Variants in GRIK2 observed in about 807,000 individuals in gnomAD.
GRIK2 encodes glutamate ionotropic receptor kainate type subunit 2, also known as glutamate receptor ionotropic, kainate 2.
In GRIK2, 32 loss-of-function variants were observed where a neutral mutation model predicts 100.3. The observed-to-expected ratio is 0.32, with a 90% CI of 0.24 to 0.43. The LOEUF is 0.43. GRIK2 is among the 20% of genes least tolerant of loss of function. The pLI is 1.00. For synonymous variants in GRIK2, 417 were observed against 389.4 expected (o/e 1.07, Z -0.83); for missense variants, 843 against 1,114.9 (o/e 0.76, Z 3.47).
In GRIK2 at chr6:101,556,321, A is replaced by ATTTTTTTTTTTTTTTTTTTTTTTTTTT. The variant is rs10528480; in HGVS notation, c.116-65623_116-65597dup. Among the ~76,000 whole-genome samples, 73 of 59,406 alleles carry ATTTTTTTTTTTTTTTTTTTTTTTTTTT rather than the reference A, an allele frequency of 1.2e-3. 19 individuals carry two copies. Among genetic ancestry groups the ATTTTTTTTTTTTTTTTTTTTTTTTTTT allele is most frequent in the Non-Finnish European group, 1.6e-3 (43 of 27,410 alleles). The allele number at this position is 59,406 out of a possible 152,430, so 39.0% of individuals were successfully genotyped here. ...AATTGCACTATGTAATATATTGGTA[A>ATTTTTTTTTTTTTTTTTTTTTTTTTTT]TTTTTTTTTTTTTTTTTTTTTTTTT... is the stretch of plus-strand genomic sequence containing the variant. On this transcript the variant is annotated intron_variant, in intron 2 of 16. Transcript: ENST00000369134.
chr6:101,509,773 G>A (rs1396283934), intron 2 of GRIK2, among the ~76,000 whole-genome samples: 3 of 152,076 alleles, frequency 2.0e-5, no homozygotes, highest in Non-Finnish European at 4.4e-5. Flanking sequence ...AATGATATTT[G>A]GATTATTCAC....
At chr6:101,677,756 C>G (rs1349507309) in intron 5 of GRIK2, among the ~76,000 whole-genome samples, 1 of 152,092 alleles carries the variant, frequency 6.6e-6, no homozygotes, top group Admixed American at 6.6e-5. Context: ...AATATTTCTA[C>G]TGGAGAGTTA....
intron 14 of GRIK2, among the ~76,000 whole-genome samples, chr6:101,992,866 C>A (rs1331171821): frequency 2.0e-5 from 3 of 151,368 alleles, no homozygotes; most frequent in Admixed American, 6.6e-5. Flanking sequence ...AAAGTAGCTT[C>A]CTTAAAAAGG....
chr6:101,695,769 T>C (rs1409963785), intron 7 of GRIK2, among the ~76,000 whole-genome samples: 1 of 152,108 alleles, frequency 6.6e-6, no homozygotes, highest in African/African-American at 2.4e-5. Context: ...TAGCTTAGCC[T>C]CACCTACCTT....
chr6:101,481,807 C>A (rs1335091744), intron 2 of GRIK2, among the ~76,000 whole-genome samples: 1 of 151,996 alleles, frequency 6.6e-6, no homozygotes, highest in African/African-American at 2.4e-5. Context: ...CCCCGTAATC[C>A]CCACGTGTCA....
chr6:101,591,798 G>T (rs1207453838), intron 2 of GRIK2, among the ~76,000 whole-genome samples: 1 of 151,932 alleles, frequency 6.6e-6, no homozygotes, highest in African/African-American at 2.4e-5. Context: ...AAATGAAAAA[G>T]GGAAATACAA....
intron 14 of GRIK2, among the ~76,000 whole-genome samples, chr6:102,016,288 G>C (rs185439735): frequency 7.9e-5 from 12 of 152,138 alleles, no homozygotes; most frequent in Non-Finnish European, 1.3e-4. Context: ...AGCCAGTATA[G>C]AAAAAGAATA....
intron 15 of GRIK2, among the ~76,000 whole-genome samples, chr6:102,046,628 C>CTCT: frequency 6.6e-6 from 1 of 152,278 alleles, no homozygotes; most frequent in South Asian, 2.1e-4. Flanking sequence ...TCAATTAAAA[C>CTCT]TCTTTTCTTC....
intron 7 of GRIK2, among the ~76,000 whole-genome samples, chr6:101,771,394 C>A (rs559404632): frequency 2.3e-3 from 351 of 151,968 alleles, no homozygotes; most frequent in African/African-American, 7.4e-3. Flanking sequence ...ATTTCTGGAA[C>A]CTTCATTTAA....
intron 12 of GRIK2, among the ~76,000 whole-genome samples, chr6:101,914,963 T>C (rs1265748681): frequency 6.6e-6 from 1 of 151,592 alleles, no homozygotes; most frequent in Non-Finnish European, 1.5e-5. Flanking sequence ...TTTTACATTA[T>C]GAAGCCTTTT....
chr6:101,945,911 T>C (rs77643688), intron 14 of GRIK2, among the ~76,000 whole-genome samples: 1 of 15,554 alleles, frequency 6.4e-5, no homozygotes, highest in African/African-American at 1.2e-4. Context: ...CTATCTACTG[T>C]TTTTTTTTTT....
chr6:101,515,078 C>T (rs1048502340), intron 2 of GRIK2, among the ~76,000 whole-genome samples: 13 of 152,080 alleles, frequency 8.5e-5, no homozygotes, highest in Admixed American at 7.9e-4. Context: ...TCCCCAGAGT[C>T]CACTGTATCA....
chr6:101,733,383 G>A (rs1388269682), intron 7 of GRIK2, among the ~76,000 whole-genome samples: 1 of 152,060 alleles, frequency 6.6e-6, no homozygotes, highest in African/African-American at 2.4e-5. Flanking sequence ...AGAATAAAGG[G>A]GTGGGAGTCC....
intron 14 of GRIK2, among the ~76,000 whole-genome samples, chr6:101,997,420 G>A (rs1434545731): frequency 6.6e-6 from 1 of 151,802 alleles, no homozygotes; most frequent in Admixed American, 6.6e-5. Flanking sequence ...TGCATCTTTG[G>A]TATTTTTAAA....
intron 2 of GRIK2, among the ~76,000 whole-genome samples, chr6:101,555,132 C>T (rs927107300): frequency 2.6e-5 from 4 of 152,172 alleles, no homozygotes; most frequent in African/African-American, 9.7e-5. Flanking sequence ...GTTTCCTTCT[C>T]CACCAGAGGT....
At chr6:101,933,755 T>C (rs942344322) in intron 14 of GRIK2, among the ~76,000 whole-genome samples, 3 of 151,976 alleles carry the variant, frequency 2.0e-5, no homozygotes, top group African/African-American at 7.2e-5. Context: ...AACGTGATTA[T>C]GTGCAAAATT....
intron 4 of GRIK2, among the ~76,000 whole-genome samples, chr6:101,639,600 A>T (rs764753925): frequency 5.9e-5 from 9 of 151,600 alleles, no homozygotes; most frequent in Non-Finnish European, 1.3e-4. Flanking sequence ...CAATACATGC[A>T]TACATACATA....
intron 12 of GRIK2, among the ~76,000 whole-genome samples, chr6:101,896,848 A>G (rs1295246192): frequency 6.6e-6 from 1 of 151,790 alleles, no homozygotes; most frequent in Admixed American, 6.6e-5. Context: ...CACAAAATTA[A>G]TTATAATAAG....
intron 11 of GRIK2, among the ~76,000 whole-genome samples, chr6:101,880,259 G>A (rs1456652412): frequency 6.6e-6 from 1 of 151,956 alleles, no homozygotes; most frequent in African/African-American, 2.4e-5. Context: ...AAACATTGTG[G>A]CTGCTAATTG....
Sources: allele counts gnomAD v4.1 joint callset (sites outside exome capture counted in the v4.1 genomes callset), GRCh38; gene constraint gnomAD v4.1.1; transcripts MANE v1.5; gene names NCBI Gene and HGNC (gene_info 2026-07-23, HGNC 2026-07-21).